The following OR2L13 variants were observed in gnomAD, a reference collection of about 807,000 sequenced individuals.
The protein encoded by OR2L13 is olfactory receptor family 2 subfamily L member 13, also known as olfactory receptor 2L13.
A neutral mutation model predicts 15.3 loss-of-function variants in OR2L13; 14 were observed. The observed-to-expected ratio is 0.91, with a 90% CI of 0.60 to 1.43. The LOEUF (loss-of-function observed/expected upper bound fraction) is 1.43, where lower values mean the gene tolerates loss of function less well. Ranked by LOEUF, OR2L13 falls within the 40% of genes most tolerant of loss-of-function variation. The pLI is 0.00. For missense variants in OR2L13, 367 were observed against 387.9 expected (o/e 0.95, Z 0.45); for synonymous variants, 152 against 142.9 (o/e 1.06, Z -0.45).
the OR2L13 span, among the ~76,000 whole-genome samples, chr1:248,050,263 G>GAA: frequency 7.0e-6 from 1 of 142,894 alleles, no homozygotes; most frequent in African/African-American, 2.5e-5. Context: ...AATTTTTAGT[G>GAA]AAAAAAAAAA....
At chr1:248,040,103 T>A in the OR2L13 span, 1 of 152,240 alleles carries the variant, frequency 6.6e-6, no homozygotes, top group African/African-American at 2.4e-5. Context: ...CATTCTCTTC[T>A]GCACAATTTT....
chr1:247,938,145 C>T, the OR2L13 span, among the ~76,000 whole-genome samples: 1 of 151,950 alleles, frequency 6.6e-6, no homozygotes, highest in African/African-American at 2.4e-5. Flanking sequence ...AACATTTTTT[C>T]CCTGACAATT....
the OR2L13 span, among the ~76,000 whole-genome samples, chr1:248,066,811 C>T: frequency 3.9e-5 from 6 of 152,152 alleles, no homozygotes; most frequent in African/African-American, 1.2e-4. Context: ...TCTATGCATT[C>T]TATAATTGTA....
chr1:248,080,150 T>TA, the OR2L13 span, among the ~76,000 whole-genome samples: 2 of 151,960 alleles, frequency 1.3e-5, no homozygotes, highest in African/African-American at 4.8e-5. Flanking sequence ...TTTACATCTG[T>TA]AAAAAAAATT....
chr1:248,011,972 T>A, the OR2L13 span, among the ~76,000 whole-genome samples: 1 of 152,204 alleles, frequency 6.6e-6, no homozygotes, highest in Admixed American at 6.6e-5. Flanking sequence ...AAGTAAATAT[T>A]ATTATGCATT....
At chr1:248,051,806 A>G in the OR2L13 span, among the ~76,000 whole-genome samples, 1 of 151,830 alleles carries the variant, frequency 6.6e-6, no homozygotes, top group Non-Finnish European at 1.5e-5. Context: ...TATTTCATTC[A>G]GAACTAAAAT....
the OR2L13 span, chr1:247,937,466 C>G: frequency 0.031 from 4,967 of 159,372 alleles, 100 homozygotes; most frequent in African/African-American, 0.041. Context: ...CTCCTCCCCT[C>G]CCATCAGCAG....
At chr1:248,085,469 C>CAAAAAA in the OR2L13 span, among the ~76,000 whole-genome samples, 1,379 of 67,820 alleles carry the variant, frequency 0.02, 46 homozygotes, top group African/African-American at 0.039. Context: ...AGAGAAGCAC[C>CAAAAAA]AAAAAAAAAA....
chr1:248,027,105 G>C, the OR2L13 span, among the ~76,000 whole-genome samples: 1 of 152,188 alleles, frequency 6.6e-6, no homozygotes, highest in Non-Finnish European at 1.5e-5. Flanking sequence ...GAACAGCCCT[G>C]AGAAAGAGAA....
At chr1:248,029,490 T>C in the OR2L13 span, among the ~76,000 whole-genome samples, 4 of 151,956 alleles carry the variant, frequency 2.6e-5, no homozygotes, top group Non-Finnish European at 5.9e-5. Context: ...CCAAAGAGAG[T>C]AATAACAACA....
chr1:248,060,734 C>T, the OR2L13 span: 1 of 1,613,998 alleles, frequency 6.2e-7, no homozygotes, highest in Non-Finnish European at 8.5e-7. Flanking sequence ...GGATTCTTCC[C>T]ACCATCAAGA....
the OR2L13 span, chr1:247,991,224 G>A: frequency 1.3e-6 from 2 of 1,486,226 alleles, no homozygotes; most frequent in South Asian, 2.3e-5. Flanking sequence ...TTCTGCCTTA[G>A]AGTCAAAGCG....
chr1:247,968,341 ATTTAT>A, the OR2L13 span, among the ~76,000 whole-genome samples: 1 of 151,920 alleles, frequency 6.6e-6, no homozygotes, highest in East Asian at 1.9e-4. Context: ...AGACATTTTT[ATTTAT>A]TTATTTTTTT....
chr1:248,083,935 C>G, the OR2L13 span: 1 of 1,351,654 alleles, frequency 7.4e-7, no homozygotes, highest in Admixed American at 1.9e-5. Context: ...AGAACAGCAG[C>G]GAGGATGAGA....
At chr1:248,062,261 C>T in the OR2L13 span, 2 of 152,184 alleles carry the variant, frequency 1.3e-5, no homozygotes, top group Non-Finnish European at 2.9e-5. Context: ...TTTAGATCAA[C>T]AAAAGGACTG....
chr1:248,002,193 T>C, the OR2L13 span, among the ~76,000 whole-genome samples: 1 of 152,216 alleles, frequency 6.6e-6, no homozygotes, highest in Non-Finnish European at 1.5e-5. Context: ...GCCAAGATTT[T>C]TTAAAAATGT....
chr1:247,997,712 AC>A, the OR2L13 span, among the ~76,000 whole-genome samples: 1 of 152,170 alleles, frequency 6.6e-6, no homozygotes, highest in Non-Finnish European at 1.5e-5. Flanking sequence ...CACTGAGTTT[AC>A]CCTTGACATG....
the OR2L13 span, among the ~76,000 whole-genome samples, chr1:247,943,475 G>C: frequency 6.6e-6 from 1 of 152,074 alleles, no homozygotes; most frequent in Non-Finnish European, 1.5e-5. Flanking sequence ...TGGATACACT[G>C]AAATTGTTGG....
At chr1:248,044,167 G>A in the OR2L13 span, among the ~76,000 whole-genome samples, 1 of 152,240 alleles carries the variant, frequency 6.6e-6, no homozygotes, top group Middle Eastern at 3.4e-3. Flanking sequence ...AGTCGCTCTG[G>A]TTCAAAAGCC....
Sources: allele counts gnomAD v4.1 joint callset (sites outside exome capture counted in the v4.1 genomes callset), GRCh38; gene constraint gnomAD v4.1.1; transcripts MANE v1.5; gene names NCBI Gene and HGNC (gene_info 2026-07-23, HGNC 2026-07-21).